The following TF variants were observed in gnomAD, a reference collection of about 807,000 sequenced individuals.
TF encodes the protein transferrin, also known as serotransferrin.
A neutral mutation model predicts 82.4 loss-of-function variants in TF; 55 were observed. That is an observed-to-expected ratio of 0.67 (90% CI 0.54 to 0.84). TF has a LOEUF of 0.84. TF is among the 40% of genes least tolerant of loss of function. The pLI is 0.00. For synonymous variants in TF, 332 were observed against 332.6 expected (o/e 1.00, Z 0.02); for missense variants, 737 against 868.4 (o/e 0.85, Z 1.90).
rs1347265931 is a variant in TF, at chr3:133,786,858, TG to T, written c.*8239del. ...ACCTGAAACATCTTATCTATGTAGA[TG>T]TTCAGAATTGCCTGATGTATGTTAA... On this transcript the variant is annotated 3_prime_UTR_variant, in exon 17 of 17. Transcript: ENST00000402696. 1 of 152,254 alleles carries T rather than the reference TG, an allele frequency of 6.6e-6. No individual in the cohort carries two copies. The allele number at this position is 152,254 out of a possible 1,614,324, so 9.4% of individuals were successfully genotyped here.
chr3:133,721,777 C>A, the TF span, among the ~76,000 whole-genome samples: 2 of 152,148 alleles, frequency 1.3e-5, no homozygotes, highest in South Asian at 4.1e-4. Context: ...CTATTGGATG[C>A]ATATCTACTT....
chr3:133,718,808 A>T, the TF span, among the ~76,000 whole-genome samples: 1 of 152,198 alleles, frequency 6.6e-6, no homozygotes, highest in African/African-American at 2.4e-5. Context: ...AAGGATCAGG[A>T]AGGTTTCTTT....
rs973518305 is a variant in TF, at chr3:133,750,609, C to A, written c.216+2025C>A. On this transcript the variant is annotated intron_variant, in intron 2 of 16. Coordinates refer to ENST00000402696, the MANE Select transcript of TF (RefSeq NM_001063.4). Reference sequence around the variant, plus strand: ...GGCGCAGGTTCCCCTGGGAACCCTGCAGCTCTAGGGCTGGACGCTGTGTTT... The same window carrying A: ...GGCGCAGGTTCCCCTGGGAACCCTGAAGCTCTAGGGCTGGACGCTGTGTTT... Among the ~76,000 whole-genome samples the A allele has an allele frequency of 4.6e-5, 7 of 152,174 alleles. 1 individual carries two copies. The highest frequency in any genetic ancestry group is 2.6e-4 in the Admixed American group (4 of 15,286).
the TF span, among the ~76,000 whole-genome samples, chr3:133,728,009 TCTGCTGAGAGATCAG>T: frequency 6.6e-6 from 1 of 152,262 alleles, no homozygotes; most frequent in Non-Finnish European, 1.5e-5. Context: ...TGGCAGGGTT[TCTGCTGAGAGATCAG>T]CTGTTTGTCT....
chr3:133,794,850 T>C lies in TF; in HGVS notation c.*16230T>C, dbSNP rs982589758. On this transcript the variant is annotated 3_prime_UTR_variant, in exon 17 of 17. Transcript: ENST00000402696. ...TATCTTTGAATATTTTTTCCTTGCTTTTGCCTCTATGAAGAATAGAAGTGG... is the reference window on the plus strand; with the variant it reads ...TATCTTTGAATATTTTTTCCTTGCTCTTGCCTCTATGAAGAATAGAAGTGG... The C allele has an allele frequency of 5.9e-5, 9 of 152,156 alleles. No homozygotes were observed. The highest frequency in any genetic ancestry group is 1.0e-4 in the Non-Finnish European group (7 of 68,010). 9.4% of individuals were successfully genotyped at this position (152,156 alleles called of 1,614,324 possible).
intron 4 of TF, 41 bp from the exon 5 acceptor site, chr3:133,755,322 C>G: frequency 6.2e-7 from 1 of 1,613,954 alleles, no homozygotes; most frequent in Non-Finnish European, 8.5e-7. Flanking sequence ...CTGTGGCCAG[C>G]CTCACTCATG....
the TF span, among the ~76,000 whole-genome samples, chr3:133,719,916 G>T: frequency 6.6e-3 from 1,006 of 151,992 alleles, 8 homozygotes; most frequent in African/African-American, 0.023. Flanking sequence ...TATTATTAGC[G>T]TATGAAAATG....
the TF span, among the ~76,000 whole-genome samples, chr3:133,702,623 C>T: frequency 7.3e-5 from 11 of 151,110 alleles, no homozygotes; most frequent in Admixed American, 1.3e-4. Context: ...CTCTGAGTGA[C>T]GAAGTTGTGA....
intron 6 of TF, among the ~76,000 whole-genome samples, chr3:133,756,540 C>T (rs932715425): frequency 4.6e-5 from 7 of 152,140 alleles, no homozygotes; most frequent in Non-Finnish European, 1.0e-4. Flanking sequence ...TCAATCTCTC[C>T]ACACGGTGCC....
Position 133,768,155 on chromosome 3 carries a change from G to A in TF, c.1613G>A (p.Gly538Asp). The A allele has an allele frequency of 6.2e-7, 1 of 1,614,204 alleles. No individual in the cohort carries two copies. The highest frequency in any genetic ancestry group is 8.5e-7 in the Non-Finnish European group (1 of 1,180,046). Reference sequence around the variant, plus strand: ...AAAGAGGGATACTACGGCTACACAGGCGCTTTCAGGTGAGTCTTTTAACCC... The same window carrying A: ...AAAGAGGGATACTACGGCTACACAGACGCTTTCAGGTGAGTCTTTTAACCC... ...NNKEGYYGYTGAFRCLVEKGD... is the reference protein window; with the variant it reads ...NNKEGYYGYTDAFRCLVEKGD... The change falls in exon 13 of 17, where the codon GGC (glycine) becomes GAC (aspartate). Residue 538 changes from glycine to aspartate, a missense_variant. Gly to Asp is a moderately conservative substitution (Grantham distance 94). Coordinates refer to ENST00000402696, the MANE Select transcript of TF (RefSeq NM_001063.4).
chr3:133,686,290 A>C, the TF span, among the ~76,000 whole-genome samples: 1 of 152,218 alleles, frequency 6.6e-6, no homozygotes, highest in African/African-American at 2.4e-5. Flanking sequence ...AGGCATGGGC[A>C]AGGACTTCAT....
the TF span, among the ~76,000 whole-genome samples, chr3:133,739,946 C>G: frequency 6.6e-6 from 1 of 152,142 alleles, no homozygotes; most frequent in Admixed American, 6.5e-5. Flanking sequence ...GGATCTAGAA[C>G]CAGAAATACC....
the TF span, among the ~76,000 whole-genome samples, chr3:133,720,232 G>A: frequency 6.6e-6 from 1 of 152,006 alleles, no homozygotes; most frequent in African/African-American, 2.4e-5. Flanking sequence ...GTTAGCTATG[G>A]GTCTGTAATA....
intron 13 of TF, among the ~76,000 whole-genome samples, chr3:133,768,621 G>GAGTGA (rs63555060): frequency 2.5e-4 from 7 of 27,968 alleles, no homozygotes; most frequent in Non-Finnish European, 5.3e-4. Context: ...AATAAACACT[G>GAGTGA]AGTGGAGAGT....
chr3:133,737,640 G>C, the TF span, among the ~76,000 whole-genome samples: 2 of 152,130 alleles, frequency 1.3e-5, no homozygotes, highest in Non-Finnish European at 2.9e-5. Context: ...TATCACCACT[G>C]ATCCCACAGA....
the TF span, among the ~76,000 whole-genome samples, chr3:133,737,345 T>TTTC: frequency 2.6e-5 from 4 of 152,136 alleles, no homozygotes; most frequent in Non-Finnish European, 5.9e-5. Flanking sequence ...TACCACTAAA[T>TTTC]GCCCACAGGA....
At chr3:133,686,840 A>G in the TF span, among the ~76,000 whole-genome samples, 2 of 152,242 alleles carry the variant, frequency 1.3e-5, no homozygotes, top group African/African-American at 4.8e-5. Flanking sequence ...CCATCCCATT[A>G]CTGGGTATAT....
intron 15 of TF, among the ~76,000 whole-genome samples, chr3:133,776,172 C>G (rs1368184699): frequency 1.3e-5 from 2 of 152,216 alleles, no homozygotes; most frequent in Non-Finnish European, 2.9e-5. Context: ...AAGACAGCTC[C>G]TGTTTCCCAG....
At chr3:133,732,740 T>C in the TF span, among the ~76,000 whole-genome samples, 2 of 152,320 alleles carry the variant, frequency 1.3e-5, no homozygotes, top group African/African-American at 2.4e-5. Flanking sequence ...ACACACCGTC[T>C]TTAAGAACTG....
Sources: allele counts gnomAD v4.1 joint callset (sites outside exome capture counted in the v4.1 genomes callset), GRCh38; gene constraint gnomAD v4.1.1; transcripts MANE v1.5; gene names NCBI Gene and HGNC (gene_info 2026-07-23, HGNC 2026-07-21).